The following NUP58 variants were observed in gnomAD, a reference collection of about 807,000 sequenced individuals.
NUP58 encodes the protein nucleoporin p58/p45.
Under a neutral mutation model 70.1 loss-of-function variants are expected in NUP58, and 17 were observed. That is an observed-to-expected ratio of 0.24 (90% CI 0.17 to 0.36). NUP58 has a LOEUF of 0.36. Ranked by LOEUF, NUP58 falls within the 10% of genes least tolerant of loss-of-function variation. NUP58 has a pLI of 1.00. For missense variants in NUP58, 644 were observed against 701.5 expected (o/e 0.92, Z 0.93); for synonymous variants, 275 against 257.6 (o/e 1.07, Z -0.65).
Position 25,332,709 on chromosome 13 carries a change from C to T in NUP58, c.1435+1151C>T, listed in dbSNP as rs139685148. The stretch of plus-strand genomic sequence containing the variant: ...GATTTATGCCAAATCCTCCATATCC[C>T]GTGGCTGGACCCATGTGAATAGTGG... On this transcript the variant is annotated intron_variant, in intron 13 of 15. Transcript: ENST00000381736. The T allele has an allele frequency of 1.3e-4, 131 of 985,432 alleles. No homozygotes were observed. The African/African-American group carries it at 2.0e-3, about 15-fold the overall frequency. 61.0% of individuals were successfully genotyped at this position (985,432 alleles called of 1,614,324 possible). A position where few individuals can be genotyped will look rare whatever the true frequency, so the allele number is the denominator to read the frequency against.
At chr13:25,330,083 C>T (rs2031550348) in intron 12 of NUP58, among the ~76,000 whole-genome samples, 1 of 152,324 alleles carries the variant, frequency 6.6e-6, no homozygotes, top group East Asian at 1.9e-4. Context: ...CTGCCTAGAC[C>T]TCCCTAAGGG....
chr13:25,317,888 G>A (rs1475480173), intron 6 of NUP58: 2 of 125,354 alleles, frequency 1.6e-5, no homozygotes, highest in African/African-American at 6.0e-5. Context: ...TTGGGATACA[G>A]TGACTTGCTG....
At chr13:25,322,661 A>G (rs376428679) in intron 9 of NUP58, among the ~76,000 whole-genome samples, 8 of 152,194 alleles carry the variant, frequency 5.3e-5, no homozygotes, top group African/African-American at 1.9e-4. Flanking sequence ...TTTGGGTTCT[A>G]TCCCCTATTC....
Position 25,339,349 on chromosome 13 carries a change from T to C in NUP58, c.1631-616T>C, listed in dbSNP as rs566950359. Reference sequence around the variant, plus strand: ...GAAAGATGTGTTTAAATTTAGAGAATTTGAAGGAATTAAGTAGCGTTTAAA... The same window carrying C: ...GAAAGATGTGTTTAAATTTAGAGAACTTGAAGGAATTAAGTAGCGTTTAAA... On this transcript the variant is annotated intron_variant, in intron 15 of 15. Transcript: ENST00000381736. Among the ~76,000 whole-genome samples, 4 of 152,308 alleles carry C rather than the reference T, an allele frequency of 2.6e-5. No individual in the cohort carries two copies. In the South Asian group the frequency reaches 8.3e-4, roughly 32 times the overall value.
intron 13 of NUP58, chr13:25,331,815 G>T: frequency 7.7e-7 from 1 of 1,290,680 alleles, no homozygotes. Context: ...TGCTATAAAT[G>T]CCCTTTAGAA....
chr13:25,321,415 C>T (rs950877867), intron 9 of NUP58, among the ~76,000 whole-genome samples: 18 of 152,174 alleles, frequency 1.2e-4, no homozygotes, highest in Middle Eastern at 3.2e-3. Context: ...GGCCTGGATT[C>T]AGACCCTGGT....
At chr13:25,325,159 C>A in intron 10 of NUP58, 91 bp downstream of exon 10, 1 of 913,360 alleles carries the variant, frequency 1.1e-6, no homozygotes, top group Non-Finnish European at 1.7e-6. Flanking sequence ...TTTTAGTATA[C>A]TATGTGGAAA....
chr13:25,337,116 G>GAATC, intron 14 of NUP58, 82 bp downstream of exon 14: 1 of 806,036 alleles, frequency 1.2e-6, no homozygotes, highest in Non-Finnish European at 1.8e-6. Context: ...ATTTCTAAGA[G>GAATC]AATCTCCTGC....
chr13:25,329,149 G>A lies in NUP58; in HGVS notation c.1233+1637G>A, dbSNP rs554759163. 1.3e-3 allele frequency among the ~76,000 whole-genome samples: 200 copies of A among 152,012 alleles called. 1 individual carries two copies. Among genetic ancestry groups the A allele is most frequent in the African/African-American group, 4.6e-3 (192 of 41,456 alleles). On this transcript the variant is annotated intron_variant, in intron 12 of 15. Transcript: ENST00000381736. ...AATTTTTTAATAAAATTAATGTATG[G>A]CACTTTGAAGTCCGTTGCACAGAAT...
chr13:25,342,713 A>G (rs1483295948), downstream of NUP58, among the ~76,000 whole-genome samples: 1 of 152,154 alleles, frequency 6.6e-6, no homozygotes. Context: ...ATGGTTTGAT[A>G]TGTATCCTTG....
chr13:25,332,707 C>T, intron 13 of NUP58: 1 of 985,432 alleles, frequency 1.0e-6, no homozygotes, highest in Non-Finnish European at 1.2e-6. Flanking sequence ...TCCTCCATAT[C>T]CCGTGGCTGG....
chr13:25,336,942 A>G lies in NUP58; in HGVS notation c.1442A>G (p.Gln481Arg). The G allele has an allele frequency of 6.3e-7, 1 of 1,577,638 alleles. No homozygotes were observed. The highest frequency in any genetic ancestry group is 1.4e-5 in the African/African-American group (1 of 71,742). Reference protein sequence around the residue: ...TQQQQPATGPQPSLGVSFGTP... With the variant: ...TQQQQPATGPRPSLGVSFGTP... Reference sequence around the variant, plus strand: ...TTTTTTTTTTTTATACCAGGGCCACAGCCATCTCTGGGAGTTAGTTTTGGA... The same window carrying G: ...TTTTTTTTTTTTATACCAGGGCCACGGCCATCTCTGGGAGTTAGTTTTGGA... Residue 481 changes from glutamine to arginine, a missense_variant, in exon 14 of 16, where the codon CAG (glutamine) becomes CGG (arginine). Coordinates refer to ENST00000381736, the MANE Select transcript of NUP58 (RefSeq NM_014089.4).
Position 25,349,372 on chromosome 13 carries a change from T to A in NUP58, n.322-190T>A, listed in dbSNP as rs182666529. On this transcript the variant is annotated intron_variant and non_coding_transcript_variant, in intron 3 of 3. Coordinates refer to the NUP58 transcript ENST00000477876. ...CAGCTTTATCACTTGGTAGCTCTAG[T>A]TAGGCAAGTTATTTAACATCTTTGT... is the stretch of plus-strand genomic sequence containing the variant. Among the ~76,000 whole-genome samples the A allele has an allele frequency of 1.5e-3, 222 of 152,354 alleles. 4 individuals carry two copies. Among genetic ancestry groups the A allele is most frequent in the Admixed American group, 0.013 (202 of 15,296 alleles).
chr13:25,321,432 A>G (rs548519364), intron 9 of NUP58, among the ~76,000 whole-genome samples: 1 of 152,288 alleles, frequency 6.6e-6, no homozygotes, highest in African/African-American at 2.4e-5. Context: ...TGGTAATCCA[A>G]CTCCAGAGTT....
intron 6 of NUP58, among the ~76,000 whole-genome samples, chr13:25,319,125 T>C (rs576513217): frequency 2.0e-5 from 3 of 152,356 alleles, no homozygotes; most frequent in African/African-American, 7.2e-5. Context: ...ATATATCTGC[T>C]TATGTGTACA....
chr13:25,337,866 A>G (rs990406683), intron 14 of NUP58, among the ~76,000 whole-genome samples: 3 of 152,180 alleles, frequency 2.0e-5, no homozygotes, highest in African/African-American at 7.2e-5. Flanking sequence ...TGTCACACTC[A>G]GTATTTTAGA....
In NUP58 at chr13:25,307,940, C is replaced by T. The variant is rs567318864; in HGVS notation, c.242C>T (p.Thr81Ile). 48 of 1,613,912 alleles carry T rather than the reference C, an allele frequency of 3.0e-5. No individual in the cohort carries two copies. Among genetic ancestry groups the T allele is most frequent in the Non-Finnish European group, 4.0e-5 (47 of 1,179,920 alleles). The change falls in exon 2 of 16, where the codon ACA becomes ATA. Residue 81 changes from threonine to isoleucine, a missense_variant. Physicochemically the swap from Thr to Ile is moderately conservative, Grantham distance 89. Transcript: ENST00000381736. ...GCCACTGGGTTCACTCTAGGAGGAACAAATACAGGTGAGGAGGATCTGATC... is the reference window on the plus strand; with the variant it reads ...GCCACTGGGTTCACTCTAGGAGGAATAAATACAGGTGAGGAGGATCTGATC... ...KPATGFTLGG[T>I]NTGIATTITT...
chr13:25,331,622 A>G (rs1269275999), intron 13 of NUP58, 64 bp downstream of exon 13: 3 of 1,552,924 alleles, frequency 1.9e-6, no homozygotes, highest in Admixed American at 1.9e-5. Context: ...GTGCGTTTTT[A>G]TAAGTCTTCC....
intron 6 of NUP58, among the ~76,000 whole-genome samples, chr13:25,318,885 G>A (rs186808170): frequency 8.7e-4 from 133 of 152,306 alleles, no homozygotes; most frequent in African/African-American, 3.1e-3. Context: ...AAAGTGTCAG[G>A]TAAAGTTATC....
Sources: allele counts gnomAD v4.1 joint callset (sites outside exome capture counted in the v4.1 genomes callset), GRCh38; gene constraint gnomAD v4.1.1; transcripts MANE v1.5; gene names NCBI Gene and HGNC (gene_info 2026-07-23, HGNC 2026-07-21).